SEMA4C: variants seen among roughly 807,000 people sequenced by gnomAD.
SEMA4C encodes semaphorin 4C.
Under a neutral mutation model 89.0 loss-of-function variants are expected in SEMA4C, and 19 were observed. The observed-to-expected ratio is 0.21, with a 90% CI of 0.15 to 0.31. The LOEUF is 0.31. SEMA4C is among the 10% of genes least tolerant of loss of function. The pLI is 1.00. For missense variants in SEMA4C, 811 were observed against 1,107.0 expected (o/e 0.73, Z 3.79); for synonymous variants, 428 against 472.7 (o/e 0.91, Z 1.23).
intron 1 of SEMA4C, chr2:96,868,370 G>C: frequency 1.0e-6 from 1 of 967,040 alleles, no homozygotes; most frequent in African/African-American, 1.7e-5. Context: ...AGGGCGACGA[G>C]GGCATGCGGT....
intron 1 of SEMA4C, chr2:96,868,980 C>T (rs923888370): frequency 3.0e-6 from 3 of 985,296 alleles, no homozygotes; most frequent in Non-Finnish European, 3.6e-6. Context: ...ACAAAGGGTC[C>T]CCGCCAAGAC....
intron 2 of SEMA4C, chr2:96,866,980 C>G (rs1310591891): frequency 4.0e-6 from 1 of 248,752 alleles, no homozygotes; most frequent in African/African-American, 2.2e-5. Flanking sequence ...GGGCTGTGAG[C>G]CAGGCCAGGG....
intron 1 of SEMA4C, chr2:96,869,136 CG>C: frequency 1.0e-6 from 1 of 985,368 alleles, no homozygotes; most frequent in South Asian, 4.7e-5. Context: ...GCGGGGGCTG[CG>C]CCCCAGACCA....
At chr2:96,870,182 C>G, upstream of SEMA4C, 1 of 984,380 alleles carries the variant, frequency 1.0e-6, no homozygotes, top group Non-Finnish European at 1.2e-6. Context: ...GAGGGGGCTG[C>G]GACCCGCAGC....
At chr2:96,869,107 A>G (rs930185255) in intron 1 of SEMA4C, 53 of 985,254 alleles carry the variant, frequency 5.4e-5, no homozygotes, top group Non-Finnish European at 5.8e-5. Flanking sequence ...CTGTCGGCCC[A>G]GAGCCCCGGC....
chr2:96,866,504 A>C (rs771346973), intron 2 of SEMA4C, 73 bp from the exon 3 acceptor site: 8 of 1,598,690 alleles, frequency 5.0e-6, no homozygotes, highest in Non-Finnish European at 6.0e-6. Context: ...GCTCCACGAG[A>C]GCCAGCACCC....
intron 1 of SEMA4C, chr2:96,868,616 G>A (rs1433615592): frequency 1.0e-6 from 1 of 985,458 alleles, no homozygotes; most frequent in Non-Finnish European, 1.2e-6. Flanking sequence ...GATGGGCGTG[G>A]AAATGACCAG....
chr2:96,870,520 C>A (rs1260385710), upstream of SEMA4C: 1 of 982,140 alleles, frequency 1.0e-6, no homozygotes, highest in Non-Finnish European at 1.2e-6. Flanking sequence ...GGAACCGAGG[C>A]GTCTTTTGGG....
chr2:96,866,639 T>C, intron 2 of SEMA4C: 1 of 716,658 alleles, frequency 1.4e-6, no homozygotes, highest in Non-Finnish European at 2.5e-6. Flanking sequence ...AGGAGGCAAA[T>C]CCAGGCTGCT....
chr2:96,864,923 C>A lies in SEMA4C; in HGVS notation c.786+41G>T, dbSNP rs978374370. 6.2e-7 allele frequency: 1 copy of A among 1,610,436 alleles called. No individual in the cohort carries two copies. The highest frequency in any genetic ancestry group is 8.5e-7 in the Non-Finnish European group (1 of 1,178,618). On this transcript the variant is annotated intron_variant, in intron 8 of 14. Coordinates refer to ENST00000305476, the MANE Select transcript of SEMA4C (RefSeq NM_017789.5). This position sits in a 1 kb window ranked among gnomAD's most constrained non-coding sequence, Gnocchi z 6.3. ...GACACTGCCGGTCAGCCCCGCTGGG[C>A]CAGCAGGGCTCCCAGGGCCCACCGC...
intron 12 of SEMA4C, 120 bp downstream of exon 12, chr2:96,863,562 G>T (rs2080000878): frequency 1.6e-6 from 2 of 1,245,312 alleles, no homozygotes; most frequent in African/African-American, 1.5e-5. Context: ...ATCCACATGT[G>T]TGTGTGTTCC....
At position 96,867,765 on chromosome 2, in the gene SEMA4C, T is replaced by G. The variant is rs1243317820; in HGVS notation, c.109+13A>C. 1 of 1,612,426 alleles carries G rather than the reference T, an allele frequency of 6.2e-7. No homozygotes were observed. The highest frequency in any genetic ancestry group is 1.1e-5 in the South Asian group (1 of 91,044). On this transcript the variant is annotated intron_variant, in intron 2 of 14. Coordinates refer to ENST00000305476, the MANE Select transcript of SEMA4C (RefSeq NM_017789.5). ...CTGTCCCTGACTTCCTCCTCACCCC[T>G]CCAGGCACTCACCCCCAGAAGACAC...
chr2:96,865,603 A>G, intron 5 of SEMA4C, 63 bp downstream of exon 5: 2 of 1,446,854 alleles, frequency 1.4e-6, no homozygotes, highest in Non-Finnish European at 1.9e-6. Flanking sequence ...CACATCCACG[A>G]GTCCAGAGAA....
At chr2:96,869,651 G>C in intron 1 of SEMA4C, 1 of 984,936 alleles carries the variant, frequency 1.0e-6, no homozygotes, top group Non-Finnish European at 1.2e-6. Context: ...TCCGGCCCCG[G>C]GGCTGCGGGG....
At chr2:96,868,802 G>T (rs531132369) in intron 1 of SEMA4C, 11 of 985,298 alleles carry the variant, frequency 1.1e-5, no homozygotes, top group African/African-American at 1.0e-4. Context: ...AACGCGCCGC[G>T]CACGGCCGGC....
intron 1 of SEMA4C, chr2:96,869,005 CCCCGGGTTCT>C (rs2080146535): frequency 1.0e-6 from 1 of 985,210 alleles, no homozygotes; most frequent in African/African-American, 1.7e-5. Flanking sequence ...TCCCGGGTCC[CCCCGGGTTCT>C]CCCCTCCCCC....
At chr2:96,865,613 A>C in intron 5 of SEMA4C, 53 bp downstream of exon 5, 1 of 1,129,196 alleles carries the variant, frequency 8.9e-7, no homozygotes, top group Non-Finnish European at 1.3e-6. Context: ...AGTCCAGAGA[A>C]GGGTGAGGAG....
Position 96,864,321 on chromosome 2 carries a change from C to G in SEMA4C, c.1024G>C (p.Glu342Gln). 1 of 1,614,008 alleles carries G rather than the reference C, an allele frequency of 6.2e-7. No individual in the cohort carries two copies. The highest frequency in any genetic ancestry group is 8.5e-7 in the Non-Finnish European group (1 of 1,180,026). The stretch of plus-strand genomic sequence containing the variant: ...TCATGGTACTCCTTATAGGGGCCCT[C>G]AAACACCCGCTGGATCTCTTCCAAC... ...YQLEEIQRVF[E>Q]GPYKEYHEEA... is the part of the protein sequence containing the mutation. Residue 342 changes from glutamate (E) to glutamine (Q), a missense_variant, in exon 10 of 15, where the codon GAG becomes CAG. Glu to Gln is a conservative substitution (Grantham distance 29, BLOSUM62 2). Transcript: ENST00000305476. The surrounding 1 kb of genome is among the most constrained non-coding windows in gnomAD (Gnocchi z 6.3).
At chr2:96,868,405 A>T (rs1311020172) in intron 1 of SEMA4C, 1 of 1,006,450 alleles carries the variant, frequency 9.9e-7, no homozygotes, top group African/African-American at 1.7e-5. Flanking sequence ...GGAAAGCCCC[A>T]AAGGGGAAAC....
Sources: allele counts gnomAD v4.1 joint callset, GRCh38; gene constraint gnomAD v4.1.1; non-coding constraint Gnocchi (gnomAD v3.1); transcripts MANE v1.5; gene names NCBI Gene and HGNC (gene_info 2026-07-23, HGNC 2026-07-21).